The following USP8 variants were observed in gnomAD, a reference collection of about 807,000 sequenced individuals.
The protein encoded by USP8 is ubiquitin carboxyl-terminal hydrolase 8.
A neutral mutation model predicts 130.0 loss-of-function variants in USP8; 27 were observed. That is an observed-to-expected ratio of 0.21 (90% CI 0.15 to 0.29). The LOEUF is 0.29. Among genes scored for constraint, USP8 ranks in the 10% least tolerant of loss-of-function variants. The pLI is 1.00. For synonymous variants in USP8, 392 were observed against 444.1 expected, an observed-to-expected ratio of 0.88 and a Z score of 1.48; for missense variants, 1,029 against 1,312.2, an observed-to-expected ratio of 0.78 and a Z score of 3.33.
chr15:50,497,042 T>G, intron 17 of USP8, 47 bp from the exon 18 acceptor site: 1 of 1,561,296 alleles, frequency 6.4e-7, no homozygotes, highest in East Asian at 2.3e-5. Context: ...CTGACATTAT[T>G]GAAGAATCGA....
chr15:50,464,426 C>A (rs28495639), intron 6 of USP8, among the ~76,000 whole-genome samples: 4,359 of 152,178 alleles, frequency 0.029, 88 homozygotes, highest in East Asian at 0.091. Flanking sequence ...TACTATTTTC[C>A]TGAGACACAT....
rs776578933 is a variant in USP8, at chr15:50,492,972, ACTGT to A, written c.2447+62_2447+65del. 3.4e-6 allele frequency: 5 copies of A among 1,475,682 alleles called. No homozygotes were observed. The African/African-American group carries it at 5.5e-5, about 16-fold the overall frequency. 91.4% of individuals were successfully genotyped at this position (1,475,682 alleles called of 1,614,324 possible). Reference sequence around the variant, plus strand: ...CTAAAAGGATGATCTAACCATATTTACTGTCTTAGTCCATTAGTTTTCTGCTGCT... The same window carrying A: ...CTAAAAGGATGATCTAACCATATTTACTTAGTCCATTAGTTTTCTGCTGCT... On this transcript the variant is annotated intron_variant, in intron 15 of 19. Coordinates refer to ENST00000307179, the MANE Select transcript of USP8 (RefSeq NM_005154.5).
At chr15:50,486,271 C>T (rs2051957672) in intron 12 of USP8, among the ~76,000 whole-genome samples, 1 of 151,874 alleles carries the variant, frequency 6.6e-6, no homozygotes, top group Non-Finnish European at 1.5e-5. Flanking sequence ...TCGCTTGAGC[C>T]CCAGGAGTTC....
intron 5 of USP8, among the ~76,000 whole-genome samples, chr15:50,461,794 A>C (rs1025419119): frequency 6.6e-6 from 1 of 151,912 alleles, no homozygotes; most frequent in Non-Finnish European, 1.5e-5. Context: ...CAGAGGTTGC[A>C]GTGTGCCAAG....
chr15:50,486,320 G>T (rs570299327), intron 12 of USP8, among the ~76,000 whole-genome samples: 1 of 151,644 alleles, frequency 6.6e-6, no homozygotes, highest in South Asian at 2.1e-4. Flanking sequence ...CCTGTCTCTA[G>T]AAAAAAATAT....
At chr15:50,436,945 C>T (rs1418000754) in intron 1 of USP8, among the ~76,000 whole-genome samples, 3 of 151,966 alleles carry the variant, frequency 2.0e-5, no homozygotes, top group African/African-American at 4.8e-5. Flanking sequence ...GCTGGGATTA[C>T]AGGTGTGAGC....
At chr15:50,481,048 G>A (rs1595966523) in intron 10 of USP8, among the ~76,000 whole-genome samples, 1 of 149,966 alleles carries the variant, frequency 6.7e-6, no homozygotes, top group East Asian at 2.0e-4. Context: ...ATGAGATTAG[G>A]ACCATGTTTG....
At chr15:50,428,425 A>G (rs981372631) in intron 1 of USP8, among the ~76,000 whole-genome samples, 2 of 152,194 alleles carry the variant, frequency 1.3e-5, no homozygotes, top group Non-Finnish European at 2.9e-5. Context: ...CCTACAATTT[A>G]GTTTTTAATA....
intron 1 of USP8, among the ~76,000 whole-genome samples, chr15:50,433,267 G>C (rs1330454865): frequency 6.6e-6 from 1 of 152,112 alleles, no homozygotes; most frequent in Non-Finnish European, 1.5e-5. Flanking sequence ...TCAATACTTA[G>C]TTGTTTGTGG....
chr15:50,496,723 T>C (rs1006769599), intron 17 of USP8, among the ~76,000 whole-genome samples: 6 of 152,192 alleles, frequency 3.9e-5, no homozygotes, highest in African/African-American at 1.4e-4. Context: ...CATGGGGATA[T>C]CAAATAAATA....
In USP8 at chr15:50,481,845, A is replaced by T. The variant is rs868805781; in HGVS notation, c.1583A>T (p.Lys528Ile). 2.6e-6 allele frequency: 4 copies of T among 1,529,878 alleles called. No homozygotes were observed. Among genetic ancestry groups the T allele is most frequent in the Non-Finnish European group, 3.5e-6 (4 of 1,144,592 alleles). 94.8% of individuals were successfully genotyped at this position (1,529,878 alleles called of 1,614,324 possible). ...QQKAKEEMEK[K>I]ESEQAKKEDK... ...AAAGCAAAAGAAGAAATGGAGAAGA[A>T]AGAAAGTGAACAGGCCAAGAAAGAA... The change falls in exon 11 of 20, where the codon AAA becomes ATA. Residue 528 changes from lysine (K) to isoleucine (I), a missense_variant. Lys to Ile is a moderately radical substitution (Grantham distance 102). Around this residue, in one of 4 missense-constraint regions of USP8, gnomAD observed 486 missense variants for 522.0 expected, o/e 0.93. Transcript: ENST00000307179.
chr15:50,490,354 C>T lies in USP8; in HGVS notation c.2063C>T (p.Ala688Val), dbSNP rs373181353. 8.1e-6 allele frequency: 13 copies of T among 1,613,988 alleles called. No individual in the cohort carries two copies. The African/African-American group carries it at 1.7e-4, about 22-fold the overall frequency. The change falls in exon 14 of 20, where the codon GCA becomes GTA. Residue 688 changes from alanine to valine, a missense_variant. This residue lies in a region of USP8 where 486 missense variants were observed against 522.0 expected (regional missense o/e 0.93). Transcript: ENST00000307179. ...MYPPEMAPSSAPPSTPPTHKA... is the reference protein window; with the variant it reads ...MYPPEMAPSSVPPSTPPTHKA... ...CCACCGGAAATGGCTCCTTCATCTG[C>T]ACCTCCTTCCACCCCTCCAACTCAT...
In USP8 at chr15:50,510,075, A is replaced by G. The variant is rs2052717577; in HGVS notation, c.*10987A>G. On this transcript the variant is annotated 3_prime_UTR_variant, in exon 20 of 20. Transcript: ENST00000307179. Reference sequence around the variant, plus strand: ...TTAATAAATTTAATATTTTATAGCTATAATTAATACAGTACGGAATTAGCC... The same window carrying G: ...TTAATAAATTTAATATTTTATAGCTGTAATTAATACAGTACGGAATTAGCC... The G allele has an allele frequency of 6.6e-6, 1 of 152,168 alleles. No homozygotes were observed. The highest frequency in any genetic ancestry group is 1.5e-5 in the Non-Finnish European group (1 of 68,018). 9.4% of individuals were successfully genotyped at this position (152,168 alleles called of 1,614,324 possible).
At chr15:50,462,346 G>A (rs929539893) in intron 6 of USP8, 24 bp downstream of exon 6, 1 of 1,577,712 alleles carries the variant, frequency 6.3e-7, no homozygotes, top group Non-Finnish European at 8.6e-7. Flanking sequence ...GAAGGAGGAA[G>A]TTGTTTTAGG....
chr15:50,435,656 T>C (rs2050070972), intron 1 of USP8, among the ~76,000 whole-genome samples: 1 of 152,220 alleles, frequency 6.6e-6, no homozygotes, highest in African/African-American at 2.4e-5. Context: ...ACTGAAAGTA[T>C]TTTTAACACT....
chr15:50,442,483 C>T (rs1595908895), intron 3 of USP8, among the ~76,000 whole-genome samples: 3 of 149,326 alleles, frequency 2.0e-5, no homozygotes, highest in African/African-American at 7.3e-5. Context: ...TGGTTCACAC[C>T]TGTAATCCCA....
chr15:50,506,601 C>T lies in USP8; in HGVS notation c.*7513C>T, dbSNP rs2052661673. 1 of 151,922 alleles carries T rather than the reference C, an allele frequency of 6.6e-6. No homozygotes were observed. The highest frequency in any genetic ancestry group is 1.5e-5 in the Non-Finnish European group (1 of 67,988). The allele number at this position is 151,922 out of a possible 1,614,324, so 9.4% of individuals were successfully genotyped here. On this transcript the variant is annotated 3_prime_UTR_variant, in exon 20 of 20. Coordinates refer to ENST00000307179, the MANE Select transcript of USP8 (RefSeq NM_005154.5). ...AAAAGAAGATGACGACAAGTAAATC[C>T]GAATTTATTACTAGTTGAAATATAT... is the stretch of plus-strand genomic sequence containing the variant.
At chr15:50,425,929 C>G (rs1413815916) in intron 1 of USP8, among the ~76,000 whole-genome samples, 1 of 152,086 alleles carries the variant, frequency 6.6e-6, no homozygotes, top group Non-Finnish European at 1.5e-5. Context: ...CGAGATCAGC[C>G]TGGCCAACAT....
chr15:50,425,016 A>G (rs1295718335), intron 1 of USP8, among the ~76,000 whole-genome samples: 1 of 151,798 alleles, frequency 6.6e-6, no homozygotes, highest in Non-Finnish European at 1.5e-5. Context: ...TCCCCTAAAA[A>G]GTGCCTTCCA....
Sources: gnomAD v4.1 joint callset for allele counts (sites outside exome capture counted in the v4.1 genomes callset) on GRCh38, gnomAD v4.1.1 for gene constraint, gnomAD v4.1.1 regional missense constraint, MANE v1.5 for transcripts, NCBI Gene and HGNC (gene_info 2026-07-23, HGNC 2026-07-21) for gene names.